Variants in ABCG2 observed in about 807,000 individuals in gnomAD.
ABCG2 encodes broad substrate specificity ATP-binding cassette transporter ABCG2.
A neutral mutation model predicts 73.5 loss-of-function variants in ABCG2; 80 were observed. That is an observed-to-expected ratio of 1.09 (90% CI 0.91 to 1.31). The LOEUF is 1.31. Among genes scored for constraint, ABCG2 ranks in the 50% most tolerant of loss-of-function variants. The pLI is 0.00. For synonymous variants in ABCG2, 269 were observed against 282.4 expected, an observed-to-expected ratio of 0.95 and a Z score of 0.48; for missense variants, 796 against 786.2, an observed-to-expected ratio of 1.01 and a Z score of -0.15.
intron 3 of ABCG2, 62 bp from the exon 4 acceptor site, chr4:88,131,979 G>GT (rs1724925457): frequency 1.6e-6 from 2 of 1,270,852 alleles, no homozygotes; most frequent in Non-Finnish European, 2.2e-6. Context: ...ATGTTGTGGG[G>GT]TTTTTTTCCC....
chr4:88,107,231 A>C lies in ABCG2; in HGVS notation c.1230T>G (p.Gly410=). The C allele has an allele frequency of 6.2e-7, 1 of 1,613,430 alleles. No homozygotes were observed. Among genetic ancestry groups the C allele is most frequent in the South Asian group, 1.1e-5 (1 of 90,868 alleles). The change falls in exon 10 of 16, where the codon GGT becomes GGG. Residue 410 remains glycine, a synonymous_variant. Coordinates refer to ENST00000237612, the MANE Select transcript of ABCG2 (RefSeq NM_004827.3). ...IVTVVLGLVI[G]AIYFGLKNDS... ...CATTTTTTAGCCCAAAGTAAATGGCACCTATAACCAGTCCCAGTACGACTG... is the reference window on the plus strand; with the variant it reads ...CATTTTTTAGCCCAAAGTAAATGGCCCCTATAACCAGTCCCAGTACGACTG...
At chr4:88,137,060 T>TAAAATAAAATA (rs1271680412) in intron 2 of ABCG2, among the ~76,000 whole-genome samples, 17 of 145,984 alleles carry the variant, frequency 1.2e-4, no homozygotes, top group African/African-American at 3.5e-4. Flanking sequence ...TAAAATAAAA[T>TAAAATAAAATA]AAGAATGAGG....
intron 1 of ABCG2, among the ~76,000 whole-genome samples, chr4:88,227,794 T>C (rs750562420): frequency 9.9e-5 from 15 of 152,230 alleles, no homozygotes; most frequent in Non-Finnish European, 2.2e-4. Context: ...AGGATTATTT[T>C]TAATGCAAAG....
At chr4:88,131,008 C>T (rs1197530709) in intron 5 of ABCG2, 53 bp downstream of exon 5, 39 of 1,589,976 alleles carry the variant, frequency 2.5e-5, no homozygotes, top group Non-Finnish European at 3.2e-5. Flanking sequence ...TTTATCCACA[C>T]AGGGAAAGTC....
chr4:88,192,158 G>C (rs1374316253), intron 1 of ABCG2, among the ~76,000 whole-genome samples: 1 of 150,480 alleles, frequency 6.6e-6, no homozygotes. Flanking sequence ...TCCAGCCTGG[G>C]CGACAGAGCA....
intron 2 of ABCG2, among the ~76,000 whole-genome samples, chr4:88,133,671 T>C (rs957449268): frequency 1.3e-5 from 2 of 152,124 alleles, no homozygotes; most frequent in African/African-American, 4.8e-5. Context: ...CTCCTAAAGA[T>C]AGCAAGTAGA....
intron 1 of ABCG2, among the ~76,000 whole-genome samples, chr4:88,222,338 G>A (rs1400653140): frequency 2.0e-5 from 3 of 152,334 alleles, no homozygotes; most frequent in African/African-American, 7.2e-5. Context: ...CAGTGATATG[G>A]TTTGGCTGTG....
At chr4:88,161,192 C>CT (rs1560729366), upstream of ABCG2, among the ~76,000 whole-genome samples, 28 of 139,894 alleles carry the variant, frequency 2.0e-4, no homozygotes, top group African/African-American at 6.4e-4. Context: ...TTATTATACT[C>CT]TAAGTTTTAG....
intron 1 of ABCG2, among the ~76,000 whole-genome samples, chr4:88,143,654 G>T (rs1725785799): frequency 6.6e-6 from 1 of 152,036 alleles, no homozygotes; most frequent in Non-Finnish European, 1.5e-5. Flanking sequence ...CATTACTCAG[G>T]AGCTGTTTCA....
Position 88,099,311 on chromosome 4 carries a change from G to A in ABCG2, c.1492+13C>T. 6.4e-7 allele frequency: 1 copy of A among 1,571,470 alleles called. No homozygotes were observed. Among genetic ancestry groups the A allele is most frequent in the Middle Eastern group, 1.7e-4 (1 of 5,726 alleles). On this transcript the variant is annotated intron_variant, in intron 12 of 15. Coordinates refer to ENST00000237612, the MANE Select transcript of ABCG2 (RefSeq NM_004827.3). ...CTAAAGACATGTCCTTTTTTGTTTT[G>A]TTACATACTTACCTAACATGAAGTA...
intron 1 of ABCG2, among the ~76,000 whole-genome samples, chr4:88,158,035 T>A (rs1727068880): frequency 6.6e-6 from 1 of 152,216 alleles, no homozygotes; most frequent in Non-Finnish European, 1.5e-5. Context: ...AATATTAACA[T>A]CAACAAATGT....
At chr4:88,179,618 A>T (rs1308859586) in intron 1 of ABCG2, among the ~76,000 whole-genome samples, 1 of 152,232 alleles carries the variant, frequency 6.6e-6, no homozygotes, top group South Asian at 2.1e-4. Context: ...TTTCAAACAG[A>T]AAATTCAAAA....
At chr4:88,214,177 A>G (rs908588215) in intron 1 of ABCG2, among the ~76,000 whole-genome samples, 2 of 150,972 alleles carry the variant, frequency 1.3e-5, no homozygotes, top group African/African-American at 4.9e-5. Flanking sequence ...TTGTAGAGAC[A>G]AGGTCTTGCT....
intron 1 of ABCG2, among the ~76,000 whole-genome samples, chr4:88,202,349 ATTATTT>A (rs750763344): frequency 1.5e-4 from 1 of 6,470 alleles, no homozygotes; most frequent in Non-Finnish European, 4.0e-4. Flanking sequence ...CATCTCTACA[ATTATTT>A]ATATATATAT....
chr4:88,151,552 C>A (rs1380324446), intron 1 of ABCG2, among the ~76,000 whole-genome samples: 1 of 152,112 alleles, frequency 6.6e-6, no homozygotes, highest in Non-Finnish European at 1.5e-5. Context: ...TCCTGGCTAA[C>A]ACGGTGAAAC....
Position 88,115,071 on chromosome 4 carries a change from G to A in ABCG2, c.842-13C>T. ...TCACAGTGATAACCTATGAAAGAAG[G>A]CAGCTCAAAAACACAAACTTGATGG... On this transcript the variant is annotated splice_polypyrimidine_tract_variant and intron_variant, in intron 7 of 15. Transcript: ENST00000237612. 2 of 1,583,818 alleles carry A rather than the reference G, an allele frequency of 1.3e-6. No individual in the cohort carries two copies. The highest frequency in any genetic ancestry group is 8.7e-7 in the Non-Finnish European group (1 of 1,155,888).
chr4:88,216,349 G>A (rs933613645), intron 1 of ABCG2, among the ~76,000 whole-genome samples: 4 of 152,180 alleles, frequency 2.6e-5, no homozygotes, highest in South Asian at 2.1e-4. Context: ...TTTTTGTGCC[G>A]CGTGTACATC....
At chr4:88,175,689 G>A (rs1339877855) in intron 1 of ABCG2, among the ~76,000 whole-genome samples, 1 of 152,180 alleles carries the variant, frequency 6.6e-6, no homozygotes, top group Non-Finnish European at 1.5e-5. Context: ...CTTGGCCAGT[G>A]AAAGGCCCTT....
chr4:88,218,114 T>C (rs1377333998), intron 1 of ABCG2, among the ~76,000 whole-genome samples: 4 of 152,104 alleles, frequency 2.6e-5, no homozygotes, highest in Non-Finnish European at 1.5e-5. Flanking sequence ...AATACTTTCC[T>C]CCCAGATGAT....
Sources: allele counts gnomAD v4.1 joint callset (sites outside exome capture counted in the v4.1 genomes callset), GRCh38; gene constraint gnomAD v4.1.1; transcripts MANE v1.5; gene names NCBI Gene and HGNC (gene_info 2026-07-23, HGNC 2026-07-21).